Variants in AMPH observed in about 807,000 individuals in gnomAD.
AMPH encodes the protein amphiphysin.
Under a neutral mutation model 99.1 loss-of-function variants are expected in AMPH, and 49 were observed. That is an observed-to-expected ratio of 0.49 (90% CI 0.39 to 0.63). AMPH has a LOEUF of 0.63. Ranked by LOEUF, AMPH falls within the 20% of genes least tolerant of loss-of-function variation. The pLI, the probability that AMPH is intolerant of heterozygous loss-of-function variation, is 0.00. For synonymous variants in AMPH, 314 were observed against 317.3 expected, an observed-to-expected ratio of 0.99 and a Z score of 0.11; for missense variants, 759 against 863.4, an observed-to-expected ratio of 0.88 and a Z score of 1.52.
chr7:38,436,221 G>T, intron 12 of AMPH, 51 bp downstream of exon 12: 2 of 1,329,888 alleles, frequency 1.5e-6, no homozygotes, highest in Non-Finnish European at 2.2e-6. Flanking sequence ...ACCACACTGA[G>T]CTTACTGAGG....
intron 17 of AMPH, among the ~76,000 whole-genome samples, chr7:38,415,312 T>C (rs910248937): frequency 2.6e-5 from 4 of 152,186 alleles, no homozygotes; most frequent in African/African-American, 7.2e-5. Flanking sequence ...AAATGCATTC[T>C]GTCAAAACTT....
intron 1 of AMPH, among the ~76,000 whole-genome samples, chr7:38,631,068 C>T (rs1794443300): frequency 6.6e-6 from 1 of 151,968 alleles, no homozygotes; most frequent in Admixed American, 6.6e-5. Flanking sequence ...GGGTCCCCGG[C>T]GCTGCGTCCT....
At chr7:38,512,823 G>C (rs1356322357) in intron 2 of AMPH, among the ~76,000 whole-genome samples, 2 of 152,058 alleles carry the variant, frequency 1.3e-5, no homozygotes, top group Non-Finnish European at 2.9e-5. Context: ...AAATAAATAA[G>C]AATAAAGAGG....
At chr7:38,512,218 C>G (rs757277142) in intron 2 of AMPH, among the ~76,000 whole-genome samples, 1 of 152,140 alleles carries the variant, frequency 6.6e-6, no homozygotes, top group South Asian at 2.1e-4. Flanking sequence ...ATTGCTATGC[C>G]AATGGCAAAA....
chr7:38,506,703 T>C lies in AMPH; in HGVS notation c.151-2999A>G, dbSNP rs145100211. Among the ~76,000 whole-genome samples, 241 of 152,290 alleles carry C rather than the reference T, an allele frequency of 1.6e-3. 4 individuals are homozygous for C. The East Asian group carries it at 0.031, about 20-fold the overall frequency. On this transcript the variant is annotated intron_variant, in intron 2 of 20. Transcript: ENST00000356264. ...CCACAAAACAAAGCTAAAAGATCTG[T>C]CTGGAACATCAATTTATTGAGGTGA...
At chr7:38,558,374 G>A (rs1403515929) in intron 1 of AMPH, among the ~76,000 whole-genome samples, 1 of 152,200 alleles carries the variant, frequency 6.6e-6, no homozygotes, top group Non-Finnish European at 1.5e-5. Context: ...CATTGCTTGG[G>A]ATTCCAAAGA....
At chr7:38,631,176 A>T in intron 1 of AMPH, 107 bp downstream of exon 1, 1 of 999,572 alleles carries the variant, frequency 1.0e-6, no homozygotes, top group Non-Finnish European at 1.3e-6. Context: ...CCCGCTCCGC[A>T]GCGCGCCGCA....
intron 17 of AMPH, among the ~76,000 whole-genome samples, chr7:38,406,371 C>A (rs374917003): frequency 4.1e-5 from 6 of 144,912 alleles, no homozygotes; most frequent in South Asian, 2.1e-4. Flanking sequence ...AAGATCAGAG[C>A]GGAACTAAAT....
At chr7:38,616,524 A>T (rs1161671875) in intron 1 of AMPH, among the ~76,000 whole-genome samples, 2 of 152,204 alleles carry the variant, frequency 1.3e-5, no homozygotes, top group Non-Finnish European at 2.9e-5. Context: ...TTTTTCTACC[A>T]ATAGACATGT....
intron 4 of AMPH, among the ~76,000 whole-genome samples, chr7:38,493,187 C>CACAG (rs1397731279): frequency 6.6e-6 from 1 of 152,190 alleles, no homozygotes; most frequent in Non-Finnish European, 1.5e-5. Context: ...TCCAAGGCTG[C>CACAG]ACAGACATTC....
intron 17 of AMPH, among the ~76,000 whole-genome samples, chr7:38,412,059 G>C (rs1428647586): frequency 6.6e-6 from 1 of 152,110 alleles, no homozygotes; most frequent in Non-Finnish European, 1.5e-5. Context: ...TAGCACATTG[G>C]CAGGTACCAA....
chr7:38,418,173 C>T, intron 16 of AMPH: 1 of 374,436 alleles, frequency 2.7e-6, no homozygotes, highest in East Asian at 5.4e-5. Flanking sequence ...ATCATCAAGA[C>T]TGTCATTTCC....
intron 1 of AMPH, among the ~76,000 whole-genome samples, chr7:38,560,739 T>A (rs1030194490): frequency 7.9e-5 from 12 of 152,186 alleles, no homozygotes; most frequent in African/African-American, 2.9e-4. Flanking sequence ...TTGAATTGAG[T>A]ACCACTCCTA....
At chr7:38,611,092 T>C (rs1474075596) in intron 1 of AMPH, among the ~76,000 whole-genome samples, 1 of 152,188 alleles carries the variant, frequency 6.6e-6, no homozygotes, top group Non-Finnish European at 1.5e-5. Flanking sequence ...GATAAATGGA[T>C]AAAGGAAATG....
At chr7:38,426,916 C>A in intron 15 of AMPH, 38 bp downstream of exon 15, 1 of 1,597,762 alleles carries the variant, frequency 6.3e-7, no homozygotes, top group Non-Finnish European at 8.6e-7. Context: ...GTGCATCATT[C>A]TCAGCAGATG....
At chr7:38,425,638 G>T (rs960440502) in intron 15 of AMPH, among the ~76,000 whole-genome samples, 3 of 152,168 alleles carry the variant, frequency 2.0e-5, no homozygotes, top group African/African-American at 7.2e-5. Context: ...AAGCAGAAGA[G>T]GGGGCGAATT....
intron 11 of AMPH, among the ~76,000 whole-genome samples, chr7:38,445,010 T>TATACACACACAC (rs1458295332): frequency 7.9e-6 from 1 of 125,990 alleles, no homozygotes; most frequent in African/African-American, 2.9e-5. Flanking sequence ...TATATATATA[T>TATACACACACAC]ACACACACAC....
At chr7:38,570,495 A>G (rs1320228632) in intron 1 of AMPH, among the ~76,000 whole-genome samples, 1 of 152,120 alleles carries the variant, frequency 6.6e-6, no homozygotes, top group African/African-American at 2.4e-5. Flanking sequence ...CCACCTAGTG[A>G]TGTTGCAGCC....
chr7:38,416,107 A>ATATATATATATATATATATATAT (rs1302811606), intron 17 of AMPH, among the ~76,000 whole-genome samples: 20 of 126,860 alleles, frequency 1.6e-4, no homozygotes, highest in South Asian at 2.4e-4. Flanking sequence ...ATATGAATAT[A>ATATATATATATATATATATATAT]TATATATATA....
Sources: gnomAD v4.1 joint callset for allele counts (sites outside exome capture counted in the v4.1 genomes callset) on GRCh38, gnomAD v4.1.1 for gene constraint, MANE v1.5 for transcripts, NCBI Gene and HGNC (gene_info 2026-07-23, HGNC 2026-07-21) for gene names.